IL1RAPL2: variants seen among roughly 807,000 people sequenced by gnomAD.
IL1RAPL2 encodes the protein interleukin 1 receptor accessory protein like 2.
IL1RAPL2 carries 3 observed loss-of-function variants against 44.1 expected under a neutral mutation model. The observed-to-expected ratio is 0.07, with a 90% CI of 0.03 to 0.18. IL1RAPL2 has a LOEUF of 0.18. Ranked by LOEUF, IL1RAPL2 falls within the 10% of genes least tolerant of loss-of-function variation. The probability of loss-of-function intolerance (pLI) is 1.00; values close to 1 mark genes in which losing one functional copy is unlikely to be tolerated. For synonymous variants in IL1RAPL2, 181 were observed against 178.8 expected, an observed-to-expected ratio of 1.01 and a Z score of -0.10; for missense variants, 391 against 496.4, an observed-to-expected ratio of 0.79 and a Z score of 2.02.
chrX:104,650,181 T>C (rs1313791848), intron 1 of IL1RAPL2, among the ~76,000 whole-genome samples: 1 of 111,178 alleles, frequency 9.0e-6, no homozygotes, highest in Non-Finnish European at 1.9e-5. Context: ...TAAGAACCAT[T>C]GCATATTTAT....
At chrX:105,441,522 T>C (rs1412075043) in intron 5 of IL1RAPL2, among the ~76,000 whole-genome samples, 1 of 111,806 alleles carries the variant, frequency 8.9e-6, no homozygotes, top group African/African-American at 3.3e-5. Flanking sequence ...TTACCTAAGC[T>C]TGTAGGCCTT....
chrX:105,135,573 A>G (rs1477916909), intron 2 of IL1RAPL2, among the ~76,000 whole-genome samples: 1 of 112,001 alleles, frequency 8.9e-6, no homozygotes, highest in Non-Finnish European at 1.9e-5. Context: ...CTGGAGAATT[A>G]AAATGTAAGG....
chrX:105,192,706 T>C (rs2033642593), intron 2 of IL1RAPL2, among the ~76,000 whole-genome samples: 2 of 103,900 alleles, frequency 1.9e-5, no homozygotes, highest in African/African-American at 3.5e-5. Flanking sequence ...CTCTGGTCCA[T>C]TTTAATGGGA....
chrX:105,407,711 A>G (rs1480842342), intron 5 of IL1RAPL2, among the ~76,000 whole-genome samples: 1 of 111,822 alleles, frequency 8.9e-6, no homozygotes, highest in Admixed American at 9.5e-5. Flanking sequence ...GTGGAAAGAA[A>G]GACATCGTTG....
chrX:105,512,052 C>A (rs761500246), intron 6 of IL1RAPL2, among the ~76,000 whole-genome samples: 2 of 110,612 alleles, frequency 1.8e-5, no homozygotes, highest in Non-Finnish European at 3.8e-5. Flanking sequence ...AATGTCTTTT[C>A]TCTCTAATTT....
chrX:104,901,604 T>C, intron 2 of IL1RAPL2, among the ~76,000 whole-genome samples: 1 of 110,783 alleles, frequency 9.0e-6, no homozygotes, highest in Non-Finnish European at 1.9e-5. Flanking sequence ...AGGTAACCTT[T>C]CTGTGCTTGA....
intron 2 of IL1RAPL2, among the ~76,000 whole-genome samples, chrX:104,751,687 C>G (rs1226930143): frequency 9.0e-6 from 1 of 111,168 alleles, no homozygotes; most frequent in African/African-American, 3.3e-5. Context: ...ATTCAGAGAC[C>G]ACATTATGTC....
At chrX:105,253,556 T>G (rs1275203574) in intron 4 of IL1RAPL2, among the ~76,000 whole-genome samples, 1 of 96,194 alleles carries the variant, frequency 1.0e-5, no homozygotes, top group East Asian at 2.8e-4. Flanking sequence ...TCTGAGTCTG[T>G]TTTTTTTTAA....
intron 2 of IL1RAPL2, among the ~76,000 whole-genome samples, chrX:104,902,768 C>T (rs1923857246): frequency 9.0e-6 from 1 of 111,225 alleles, no homozygotes; most frequent in Non-Finnish European, 1.9e-5. Context: ...AAATATAAGG[C>T]CCAGTTTTAA....
At chrX:105,297,580 G>T (rs1440909916) in intron 5 of IL1RAPL2, among the ~76,000 whole-genome samples, 2 of 110,390 alleles carry the variant, frequency 1.8e-5, no homozygotes, top group Non-Finnish European at 3.8e-5. Flanking sequence ...GGGGAGAAGC[G>T]CCAGACACTT....
In IL1RAPL2 at chrX:105,511,464, T is replaced by C. The variant is rs1253588876; in HGVS notation, c.772+27077T>C. 2.7e-5 allele frequency among the ~76,000 whole-genome samples: 3 copies of C among 111,155 alleles called. No individual in the cohort carries two copies. The East Asian group carries it at 8.5e-4, about 32-fold the overall frequency. On this transcript the variant is annotated intron_variant, in intron 6 of 10. Coordinates refer to ENST00000372582, the MANE Select transcript of IL1RAPL2 (RefSeq NM_017416.2). ...AGCTCTTATAGACCTAGCCCCAGTA[T>C]GACATGTACTTTGAGTTTTTTTCTA...
At chrX:104,652,292 T>A (rs1414931246) in intron 1 of IL1RAPL2, among the ~76,000 whole-genome samples, 2 of 111,730 alleles carry the variant, frequency 1.8e-5, no homozygotes, top group East Asian at 5.6e-4. Flanking sequence ...ACAGTGTTTA[T>A]GACAGCAGGA....
chrX:105,104,363 G>T (rs2032710496), intron 2 of IL1RAPL2, among the ~76,000 whole-genome samples: 3 of 111,785 alleles, frequency 2.7e-5, no homozygotes, highest in Non-Finnish European at 5.6e-5. Flanking sequence ...TTTTTTGTGT[G>T]CATGTGTGTG....
chrX:105,369,760 T>A (rs2035323266), intron 5 of IL1RAPL2, among the ~76,000 whole-genome samples: 1 of 111,284 alleles, frequency 9.0e-6, no homozygotes, highest in African/African-American at 3.3e-5. Flanking sequence ...TGGTAAGGGC[T>A]ATAAAAGTTG....
intron 6 of IL1RAPL2, among the ~76,000 whole-genome samples, chrX:105,648,081 T>C (rs1488349423): frequency 8.9e-6 from 1 of 111,987 alleles, no homozygotes; most frequent in Non-Finnish European, 1.9e-5. Flanking sequence ...AGAATTATGA[T>C]AATGTAGGCA....
intron 2 of IL1RAPL2, among the ~76,000 whole-genome samples, chrX:104,877,819 T>C (rs980822338): frequency 9.0e-6 from 1 of 111,425 alleles, no homozygotes; most frequent in African/African-American, 3.3e-5. Flanking sequence ...ATAAACAATA[T>C]TGTTTACTGG....
chrX:104,780,626 T>C (rs771281646), intron 2 of IL1RAPL2, among the ~76,000 whole-genome samples: 1 of 111,910 alleles, frequency 8.9e-6, no homozygotes, highest in Non-Finnish European at 1.9e-5. Flanking sequence ...CTATAGAGCA[T>C]TGGAAATTGG....
In IL1RAPL2 at chrX:105,515,512, TA is replaced by T. The variant is rs199929314; in HGVS notation, c.772+31135del. ...TTTTCTGACATAGACACTTAGACCT[TA>T]AAAAAAAAATTTACCAACTGTCAGG... On this transcript the variant is annotated intron_variant, in intron 6 of 10. Coordinates refer to ENST00000372582, the MANE Select transcript of IL1RAPL2 (RefSeq NM_017416.2). Among the ~76,000 whole-genome samples, 16 of 107,870 alleles carry T rather than the reference TA, an allele frequency of 1.5e-4. 1 individual carries two copies. The highest frequency in any genetic ancestry group is 2.9e-4 in the East Asian group (1 of 3,441). The allele number at this position is 107,870 out of a possible 115,157, so 93.7% of individuals were successfully genotyped here.
intron 5 of IL1RAPL2, among the ~76,000 whole-genome samples, chrX:105,363,834 A>G (rs1306532944): frequency 9.0e-6 from 1 of 110,881 alleles, no homozygotes; most frequent in African/African-American, 3.3e-5. Context: ...GGTTCCTTAT[A>G]TGTTTTTGAT....
Sources: allele counts gnomAD v4.1 joint callset (sites outside exome capture counted in the v4.1 genomes callset), GRCh38; gene constraint gnomAD v4.1.1; transcripts MANE v1.5; gene names NCBI Gene and HGNC (gene_info 2026-07-23, HGNC 2026-07-21).